ART3: variants seen among roughly 807,000 people sequenced by gnomAD.
ART3 encodes the protein ADP-ribosyltransferase 3 (inactive).
In ART3, 49 loss-of-function variants were observed where a neutral mutation model predicts 48.5. The observed-to-expected ratio is 1.01, with a 90% CI of 0.80 to 1.28. The LOEUF (loss-of-function observed/expected upper bound fraction) is 1.28. Ranked by LOEUF, ART3 falls within the 50% of genes most tolerant of loss-of-function variation. The pLI is 0.00. For missense variants in ART3, 438 were observed against 454.3 expected (o/e 0.96, Z 0.33); for synonymous variants, 145 against 157.2 (o/e 0.92, Z 0.58).
At chr4:76,040,448 A>ACG (rs1553926439) in intron 1 of ART3, among the ~76,000 whole-genome samples, 3 of 146,412 alleles carry the variant, frequency 2.0e-5, no homozygotes, top group African/African-American at 7.8e-5. Context: ...ACACACACAC[A>ACG]CACACACACA....
chr4:76,112,106 TTAG>T (rs1204188400), intron 11 of ART3: 21 of 333,368 alleles, frequency 6.3e-5, no homozygotes, highest in South Asian at 5.1e-4. Context: ...TGGTAGGCTA[TTAG>T]TAGTTAAGTT....
In ART3 at chr4:76,081,959, G is replaced by A; in HGVS notation, c.205G>A (p.Val69Met). The change falls in exon 3 of 12, where the codon GTG (valine) becomes ATG (methionine). Residue 69 changes from valine to methionine, a missense_variant. By Grantham distance (21) the Val-to-Met change is conservative (BLOSUM62 1). This residue lies in a region of ART3 where 206 missense variants were observed against 205.3 expected (regional missense o/e 1.00). Coordinates refer to ENST00000355810, the MANE Select transcript of ART3 (RefSeq NM_001130016.3). Reference protein sequence around the residue: ...EKASHQQLDTVWENAKAKWAA... With the variant: ...EKASHQQLDTMWENAKAKWAA... ...AGCAAGCCACCAGCAATTAGATACT[G>A]TGTGGGAAAATGCAAAAGCCAAATG... The A allele has an allele frequency of 6.2e-7, 1 of 1,614,192 alleles. No individual in the cohort carries two copies. The highest frequency in any genetic ancestry group is 8.5e-7 in the Non-Finnish European group (1 of 1,180,034).
intron 1 of ART3, among the ~76,000 whole-genome samples, chr4:76,013,375 CTA>C (rs778333633): frequency 4.6e-5 from 7 of 152,042 alleles, no homozygotes; most frequent in Non-Finnish European, 7.4e-5. Flanking sequence ...TTGTGAATCT[CTA>C]TGTGGGGAGG....
chr4:76,029,144 GT>G, intron 1 of ART3, among the ~76,000 whole-genome samples: 1 of 151,968 alleles, frequency 6.6e-6, no homozygotes, highest in Non-Finnish European at 1.5e-5. Context: ...TTCATCATTG[GT>G]TGTCTTTTCT....
chr4:76,078,987 G>A (rs977360987), intron 2 of ART3, among the ~76,000 whole-genome samples: 7 of 152,054 alleles, frequency 4.6e-5, no homozygotes, highest in African/African-American at 7.3e-5. Context: ...AGGCTGAAGC[G>A]GGAGAATGGC....
chr4:76,020,640 T>C (rs947634835), intron 1 of ART3, among the ~76,000 whole-genome samples: 1 of 152,134 alleles, frequency 6.6e-6, no homozygotes, highest in African/African-American at 2.4e-5. Flanking sequence ...TTAGTTTATT[T>C]TGGAGTTTAA....
chr4:76,052,884 G>A (rs568157138), intron 1 of ART3, among the ~76,000 whole-genome samples: 34 of 151,860 alleles, frequency 2.2e-4, no homozygotes, highest in Non-Finnish European at 4.4e-4. Context: ...CTGTGCCACC[G>A]CACCAGGCTA....
intron 2 of ART3, among the ~76,000 whole-genome samples, chr4:76,077,463 T>G (rs1164190384): frequency 6.6e-6 from 1 of 152,266 alleles, no homozygotes; most frequent in East Asian, 1.9e-4. Context: ...CGAATAGTGG[T>G]GTTGTGAACA....
At chr4:76,012,278 A>G (rs1684602845) in intron 1 of ART3, 1 of 152,176 alleles carries the variant, frequency 6.6e-6, no homozygotes. Flanking sequence ...TGAGAGGAGA[A>G]GTTTCTCTCA....
intron 1 of ART3, chr4:76,022,479 A>G (rs745960921): frequency 1.3e-5 from 21 of 1,600,856 alleles, no homozygotes; most frequent in Non-Finnish European, 1.7e-5. Flanking sequence ...TAGGGATGAA[A>G]ATATTTAAAA....
chr4:76,018,259 A>C (rs1401255276), intron 1 of ART3, among the ~76,000 whole-genome samples: 1 of 152,202 alleles, frequency 6.6e-6, no homozygotes, highest in Non-Finnish European at 1.5e-5. Context: ...GGAATACTAA[A>C]AAAGAACAAA....
intron 1 of ART3, among the ~76,000 whole-genome samples, chr4:76,043,414 G>T (rs530212283): frequency 6.6e-6 from 1 of 152,076 alleles, no homozygotes; most frequent in African/African-American, 2.4e-5. Flanking sequence ...CAGGCATGGC[G>T]GGCTGCAGGT....
At chr4:76,059,591 A>G (rs1182160326) in intron 1 of ART3, among the ~76,000 whole-genome samples, 1 of 152,142 alleles carries the variant, frequency 6.6e-6, no homozygotes, top group Non-Finnish European at 1.5e-5. Context: ...TATGTTCTCA[A>G]CTAATTTTCC....
intron 1 of ART3, among the ~76,000 whole-genome samples, chr4:76,026,812 G>C (rs1471917315): frequency 6.6e-6 from 1 of 152,214 alleles, no homozygotes; most frequent in Non-Finnish European, 1.5e-5. Context: ...AAGTAGGCTT[G>C]TTCTCATTAT....
In ART3 at chr4:76,075,945, T is replaced by C; in HGVS notation, c.56T>C (p.Val19Ala). 2 of 1,612,334 alleles carry C rather than the reference T, an allele frequency of 1.2e-6. No homozygotes were observed. Among genetic ancestry groups the C allele is most frequent in the Non-Finnish European group, 8.5e-7 (1 of 1,179,170 alleles). Residue 19 changes from valine to alanine, a missense_variant, in exon 2 of 12, where the codon GTG (valine) becomes GCG (alanine). Coordinates refer to ENST00000355810, the MANE Select transcript of ART3 (RefSeq NM_001130016.3). The part of the protein sequence containing the change: ...VTMLLATMIL[V>A]DIFQVKAEVL... ...ATGCTGCTGGCAACCATGATTCTAG[T>C]GGACATTTTCCAGGTAATGTTGGGA...
chr4:76,032,997 C>T (rs1191433629), intron 1 of ART3, among the ~76,000 whole-genome samples: 1 of 151,634 alleles, frequency 6.6e-6, no homozygotes, highest in African/African-American at 2.4e-5. Context: ...GTATCTATAA[C>T]CTATATAATA....
intron 1 of ART3, among the ~76,000 whole-genome samples, chr4:76,050,157 G>A (rs957140781): frequency 7.2e-5 from 11 of 152,082 alleles, no homozygotes; most frequent in Admixed American, 5.2e-4. Flanking sequence ...ATTGCAAAGA[G>A]TGAAAGAACA....
At chr4:76,080,288 T>C (rs1371013967) in intron 2 of ART3, among the ~76,000 whole-genome samples, 1 of 152,094 alleles carries the variant, frequency 6.6e-6, no homozygotes, top group Non-Finnish European at 1.5e-5. Context: ...CCCTTAAGGA[T>C]CTAACAGTAT....
At position 76,015,515 on chromosome 4, in the gene ART3, AT is replaced by A. The variant is rs1346539097; in HGVS notation, c.-10+4196del. ...AATGGAGAAATTGAGGAACAAAAAA[AT>A]AAGACACTTAAAAAATTCAATAGCT... On this transcript the variant is annotated intron_variant, in intron 1 of 9. Coordinates refer to the ART3 transcript ENST00000341029. 2.6e-5 allele frequency among the ~76,000 whole-genome samples: 4 copies of A among 152,390 alleles called. No homozygotes were observed. In the East Asian group the frequency reaches 7.7e-4, roughly 29 times the overall value.
Sources: allele counts gnomAD v4.1 joint callset (sites outside exome capture counted in the v4.1 genomes callset), GRCh38; gene constraint gnomAD v4.1.1; regional missense constraint gnomAD v4.1.1; transcripts MANE v1.5; gene names NCBI Gene and HGNC (gene_info 2026-07-23, HGNC 2026-07-21).